Variants in VSTM2A observed in about 807,000 individuals in gnomAD.
VSTM2A encodes the protein V-set and transmembrane domain containing 2A.
A neutral mutation model predicts 27.3 loss-of-function variants in VSTM2A; 13 were observed. The ratio of observed to expected loss-of-function variants is 0.48; its 90% CI spans 0.31 to 0.76. VSTM2A has a LOEUF of 0.76. VSTM2A is among the 30% of genes least tolerant of loss of function. VSTM2A has a pLI of 0.05. For synonymous variants in VSTM2A, 142 were observed against 125.7 expected (o/e 1.13, Z -0.87); for missense variants, 280 against 310.0 (o/e 0.90, Z 0.73).
intron 4 of VSTM2A, among the ~76,000 whole-genome samples, chr7:54,554,380 T>C (rs1445008672): frequency 6.6e-6 from 1 of 152,338 alleles, no homozygotes; most frequent in East Asian, 1.9e-4. Flanking sequence ...TTTTGACTGC[T>C]AAATTTTCTT....
chr7:54,553,387 C>T (rs899279163), intron 4 of VSTM2A, among the ~76,000 whole-genome samples: 1 of 152,198 alleles, frequency 6.6e-6, no homozygotes, highest in African/African-American at 2.4e-5. Context: ...TTGCCGTCTT[C>T]AATTGTTCTG....
intron 4 of VSTM2A, among the ~76,000 whole-genome samples, chr7:54,565,513 G>T (rs533704729): frequency 7.9e-5 from 12 of 152,338 alleles, no homozygotes; most frequent in Non-Finnish European, 1.2e-4. Context: ...AAAGGAAGGT[G>T]CTGAAAGGCA....
At chr7:54,553,794 G>T (rs75895308) in intron 4 of VSTM2A, 4 of 1,536,708 alleles carry the variant, frequency 2.6e-6, no homozygotes, top group South Asian at 1.2e-5. Flanking sequence ...AGGACTCAAC[G>T]CCCCTCCACC....
At chr7:54,550,493 C>A (rs1788155927) in intron 4 of VSTM2A, 2 of 501,022 alleles carry the variant, frequency 4.0e-6, no homozygotes, top group Non-Finnish European at 6.5e-6. Flanking sequence ...AATGCATGTT[C>A]ATTTTCTCTA....
Position 54,550,053 on chromosome 7 carries a change from C to G in VSTM2A, c.517C>G (p.Arg173Gly), listed in dbSNP as rs779050161. 22 of 1,609,440 alleles carry G rather than the reference C, an allele frequency of 1.4e-5. No homozygotes were observed. Among genetic ancestry groups the G allele is most frequent in the South Asian group, 8.9e-5 (8 of 90,084 alleles). ...CATGTGGCTGCAGGATATGAAGCCC[C>G]GCAAGAACGTCTCCGCAGCCATCCC... is the stretch of plus-strand genomic sequence containing the variant. The part of the protein sequence containing the change: ...SPMWLQDMKP[R>G]KNVSAAIPSS... The change falls in exon 4 of 5, where the codon CGC becomes GGC. Residue 173 changes from arginine (R) to glycine (G), a missense_variant. Coordinates refer to ENST00000402613, the MANE Select transcript of VSTM2A (RefSeq NM_001301009.2).
chr7:54,549,163 C>T (rs1281691332), intron 3 of VSTM2A, among the ~76,000 whole-genome samples: 1 of 151,982 alleles, frequency 6.6e-6, no homozygotes, highest in Middle Eastern at 3.2e-3. Flanking sequence ...TCGATGGCAT[C>T]CCAAGTCCCT....
intron 4 of VSTM2A, chr7:54,557,066 A>C (rs972002840): frequency 1.3e-5 from 2 of 152,208 alleles, no homozygotes; most frequent in African/African-American, 4.8e-5. Flanking sequence ...ACAATAACAC[A>C]CACCCTAAAA....
intron 4 of VSTM2A, chr7:54,559,625 C>G (rs1431202432): frequency 6.6e-6 from 1 of 152,034 alleles, no homozygotes. Flanking sequence ...GCCCATATGT[C>G]CCTGAAATCA....
At chr7:54,546,837 C>G in intron 2 of VSTM2A, 110 bp from the exon 3 acceptor site, 1 of 1,463,758 alleles carries the variant, frequency 6.8e-7, no homozygotes, top group Non-Finnish European at 9.2e-7. Context: ...GCTCCCCTGT[C>G]CCCAGGTCAC....
intron 2 of VSTM2A, chr7:54,546,531 C>T: frequency 5.9e-6 from 1 of 168,802 alleles, no homozygotes; most frequent in East Asian, 1.6e-4. Context: ...CCACCCCTGG[C>T]GCCCGCCCGC....
chr7:54,567,396 A>T (rs1788756939), intron 4 of VSTM2A, among the ~76,000 whole-genome samples: 1 of 152,204 alleles, frequency 6.6e-6, no homozygotes, highest in Admixed American at 6.5e-5. Context: ...TATAATACTC[A>T]TGTAAATCAT....
intron 4 of VSTM2A, chr7:54,568,901 C>T: frequency 1.3e-5 from 16 of 1,254,826 alleles, no homozygotes; most frequent in Non-Finnish European, 1.8e-5. Context: ...AGCACCAGAG[C>T]CAAGCTGGCG....
intron 4 of VSTM2A, among the ~76,000 whole-genome samples, chr7:54,555,480 A>C (rs1440039914): frequency 6.6e-6 from 1 of 152,184 alleles, no homozygotes; most frequent in East Asian, 1.9e-4. Context: ...GTCTTTTCCT[A>C]TTTGCTGAGT....
chr7:54,564,343 C>G (rs1414691121), intron 4 of VSTM2A, among the ~76,000 whole-genome samples: 1 of 152,092 alleles, frequency 6.6e-6, no homozygotes, highest in Non-Finnish European at 1.5e-5. Context: ...CTTTTGATTA[C>G]ATTAGATACC....
At chr7:54,561,173 C>T (rs1467982153) in intron 4 of VSTM2A, among the ~76,000 whole-genome samples, 1 of 152,098 alleles carries the variant, frequency 6.6e-6, no homozygotes, top group Non-Finnish European at 1.5e-5. Flanking sequence ...TTCAAACTAC[C>T]TGAAAATATT....
chr7:54,552,211 G>A (rs981914122), intron 4 of VSTM2A: 1 of 152,152 alleles, frequency 6.6e-6, no homozygotes, highest in African/African-American at 2.4e-5. Context: ...TAAAAGTCCT[G>A]TTCACTAAAC....
At position 54,549,819 on chromosome 7, in the gene VSTM2A, C is replaced by A. The variant is rs1414549718; in HGVS notation, c.298-15C>A. On this transcript the variant is annotated splice_polypyrimidine_tract_variant and intron_variant, in intron 3 of 4. Transcript: ENST00000402613. ...ATGTAGCACTTTATTGTTTTTTTTA[C>A]CTGCAATTTTTCAGACAGTGAAAGT... 2 of 1,555,330 alleles carry A rather than the reference C, an allele frequency of 1.3e-6. No individual in the cohort carries two copies. Among genetic ancestry groups the A allele is most frequent in the South Asian group, 1.2e-5 (1 of 81,618 alleles).
Position 54,551,876 on chromosome 7 carries a change from G to A in VSTM2A, c.634+1706G>A, listed in dbSNP as rs988337988. The A allele has an allele frequency of 3.3e-5, 5 of 152,072 alleles. No individual in the cohort carries two copies. In the East Asian group the frequency reaches 7.7e-4, roughly 23 times the overall value. The allele number at this position is 152,072 out of a possible 1,614,324, so 9.4% of individuals were successfully genotyped here. On this transcript the variant is annotated intron_variant, in intron 4 of 4. Coordinates refer to ENST00000402613, the MANE Select transcript of VSTM2A (RefSeq NM_001301009.2). ...CAAGTTAGATGTCATCAATCTGTTC[G>A]GCAGAATAAAATCAAACAGATTACC... is the stretch of plus-strand genomic sequence containing the variant.
intron 4 of VSTM2A, among the ~76,000 whole-genome samples, chr7:54,565,233 G>T (rs1436847528): frequency 6.6e-6 from 1 of 152,216 alleles, no homozygotes; most frequent in Non-Finnish European, 1.5e-5. Flanking sequence ...TCCCTGCTAG[G>T]ATGAGTTATT....
Sources: allele counts gnomAD v4.1 joint callset (sites outside exome capture counted in the v4.1 genomes callset), GRCh38; gene constraint gnomAD v4.1.1; transcripts MANE v1.5; gene names NCBI Gene and HGNC (gene_info 2026-07-23, HGNC 2026-07-21).